ROR1: variants seen among roughly 807,000 people sequenced by gnomAD.
ROR1 encodes the protein inactive tyrosine-protein kinase transmembrane receptor ROR1.
Under a neutral mutation model 78.8 loss-of-function variants are expected in ROR1, and 19 were observed. The observed-to-expected ratio is 0.24, with a 90% CI of 0.17 to 0.35. The LOEUF is 0.35. ROR1 is among the 10% of genes least tolerant of loss of function. The pLI is 1.00. For synonymous variants in ROR1, 386 were observed against 433.6 expected (o/e 0.89, Z 1.36); for missense variants, 917 against 1,177.8 (o/e 0.78, Z 3.24).
chr1:63,861,188 C>G lies in ROR1; in HGVS notation c.91+86680C>G, dbSNP rs1645179758. 5.3e-5 allele frequency among the ~76,000 whole-genome samples: 8 copies of G among 152,164 alleles called. No individual in the cohort carries two copies. The South Asian group carries it at 1.7e-3, about 32-fold the overall frequency. On this transcript the variant is annotated intron_variant, in intron 1 of 8. Transcript: ENST00000371079. ...ACTGTTGAGTCCAGAAACTTCGATC[C>G]TTCTCCACCCTTTCCCCAGTGTTTC...
intron 4 of ROR1, among the ~76,000 whole-genome samples, chr1:64,084,196 G>T (rs778124123): frequency 1.3e-5 from 2 of 152,100 alleles, no homozygotes; most frequent in African/African-American, 2.4e-5. Context: ...CATAACAATG[G>T]GTGATAAAGA....
intron 4 of ROR1, among the ~76,000 whole-genome samples, chr1:64,131,545 GAT>G (rs976444833): frequency 3.0e-4 from 2 of 6,654 alleles, no homozygotes; most frequent in African/African-American, 9.1e-4. Context: ...TTGTGTAAAT[GAT>G]ATTTTTTTTT....
chr1:63,874,700 ACTT>A (rs1464357961), intron 1 of ROR1, among the ~76,000 whole-genome samples: 2 of 152,076 alleles, frequency 1.3e-5, no homozygotes, highest in Non-Finnish European at 2.9e-5. Context: ...GCTGCTTCCT[ACTT>A]CTTCTTAGAG....
chr1:64,122,760 T>C (rs1041468005), intron 4 of ROR1, among the ~76,000 whole-genome samples: 1 of 152,226 alleles, frequency 6.6e-6, no homozygotes, highest in Non-Finnish European at 1.5e-5. Context: ...CTCTCCAGGC[T>C]CACATCTCTA....
chr1:63,809,535 G>A (rs1644848175), intron 1 of ROR1, among the ~76,000 whole-genome samples: 1 of 152,220 alleles, frequency 6.6e-6, no homozygotes, highest in South Asian at 2.1e-4. Context: ...GGAATGGAGA[G>A]TTTCAAAGAA....
rs74947306 is a variant in ROR1 at position 63,835,723 on chromosome 1, G to A, written c.91+61215G>A. On this transcript the variant is annotated intron_variant, in intron 1 of 8. Coordinates refer to ENST00000371079, the MANE Select transcript of ROR1 (RefSeq NM_005012.4). ...CAGTAAAATATACTAAAGTATGGGA[G>A]AAGTAGATAGAAAGAGAATATGATC... Among the ~76,000 whole-genome samples, 840 of 152,338 alleles carry A rather than the reference G, an allele frequency of 5.5e-3. 8 individuals carry two copies. The highest frequency in any genetic ancestry group is 0.019 in the African/African-American group (781 of 41,580).
intron 4 of ROR1, among the ~76,000 whole-genome samples, chr1:64,067,223 G>A (rs959635682): frequency 6.6e-6 from 1 of 151,858 alleles, no homozygotes; most frequent in Non-Finnish European, 1.5e-5. Flanking sequence ...GGTGGCACAT[G>A]CCCGTAGTCC....
chr1:64,123,069 T>A (rs1317216379), intron 4 of ROR1, among the ~76,000 whole-genome samples: 1 of 152,176 alleles, frequency 6.6e-6, no homozygotes, highest in Non-Finnish European at 1.5e-5. Flanking sequence ...CCATCTTGAT[T>A]AACAACAGCA....
intron 1 of ROR1, among the ~76,000 whole-genome samples, chr1:63,827,162 G>T (rs2100293614): frequency 6.6e-6 from 1 of 152,102 alleles, no homozygotes; most frequent in African/African-American, 2.4e-5. Context: ...GTAAATTTAA[G>T]TTTCTTATAG....
intron 1 of ROR1, among the ~76,000 whole-genome samples, chr1:63,914,360 G>T (rs995818775): frequency 6.6e-6 from 1 of 152,212 alleles, no homozygotes; most frequent in Admixed American, 6.5e-5. Flanking sequence ...GGAACCCTGC[G>T]TGCCTGGTTT....
At chr1:64,077,253 T>TG (rs1647057945) in intron 4 of ROR1, among the ~76,000 whole-genome samples, 1 of 152,262 alleles carries the variant, frequency 6.6e-6, no homozygotes, top group Non-Finnish European at 1.5e-5. Context: ...ATAAAAAGGT[T>TG]GGAGCATGGC....
intron 1 of ROR1, among the ~76,000 whole-genome samples, chr1:63,993,435 CT>C (rs1262400217): frequency 6.6e-6 from 1 of 152,198 alleles, no homozygotes; most frequent in African/African-American, 2.4e-5. Flanking sequence ...ACCAGTTCCC[CT>C]TCTCTGGTGT....
chr1:64,154,863 A>G (rs944683119), intron 7 of ROR1, among the ~76,000 whole-genome samples: 1 of 152,200 alleles, frequency 6.6e-6, no homozygotes, highest in Admixed American at 6.5e-5. Context: ...TCTGTAATGC[A>G]TTGGAGGTGT....
At chr1:64,037,200 A>G (rs746192519) in intron 2 of ROR1, among the ~76,000 whole-genome samples, 1 of 152,216 alleles carries the variant, frequency 6.6e-6, no homozygotes, top group Non-Finnish European at 1.5e-5. Context: ...TGCCAGGTGC[A>G]AGGAAAGGGC....
Position 63,829,782 on chromosome 1 carries a change from G to A in ROR1, c.91+55274G>A, listed in dbSNP as rs544654725. On this transcript the variant is annotated intron_variant, in intron 1 of 8. Coordinates refer to ENST00000371079, the MANE Select transcript of ROR1 (RefSeq NM_005012.4). ...TTGGACTTGATCCTAAGGACAGTGT[G>A]GAGCCATGGAAGTCTTCCAAGAAAG... 5.3e-5 allele frequency among the ~76,000 whole-genome samples: 8 copies of A among 152,208 alleles called. No individual in the cohort carries two copies. The South Asian group carries it at 1.7e-3, about 32-fold the overall frequency.
intron 2 of ROR1, among the ~76,000 whole-genome samples, chr1:64,040,126 A>C (rs1454430580): frequency 3.3e-5 from 5 of 152,222 alleles, no homozygotes; most frequent in Non-Finnish European, 7.3e-5. Flanking sequence ...TGTTAGGACT[A>C]TAGATTTACT....
intron 1 of ROR1, among the ~76,000 whole-genome samples, chr1:63,883,158 G>A (rs1645334197): frequency 6.6e-6 from 1 of 152,166 alleles, no homozygotes; most frequent in South Asian, 2.1e-4. Flanking sequence ...AAAGATTGTA[G>A]AAGGGATTTA....
At chr1:63,858,578 T>A (rs189723580) in intron 1 of ROR1, among the ~76,000 whole-genome samples, 5 of 152,372 alleles carry the variant, frequency 3.3e-5, no homozygotes, top group Admixed American at 2.6e-4. Flanking sequence ...CTGTGTTGCT[T>A]CTAAAACTAC....
At chr1:64,083,595 G>A (rs863073) in intron 4 of ROR1, among the ~76,000 whole-genome samples, 43,683 of 118,022 alleles carry the variant, frequency 0.37, 8,952 homozygotes, top group African/African-American at 0.61. Flanking sequence ...GAGAGAGAGA[G>A]AAAAAAAAAA....
Sources: gnomAD v4.1 joint callset for allele counts (sites outside exome capture counted in the v4.1 genomes callset) on GRCh38, gnomAD v4.1.1 for gene constraint, MANE v1.5 for transcripts, NCBI Gene and HGNC (gene_info 2026-07-23, HGNC 2026-07-21) for gene names.